PABIR2: variants seen among roughly 807,000 people sequenced by gnomAD.
PABIR2 encodes the protein PABIR family member 2, also known as family with sequence similarity 122B.
PABIR2 carries 7 observed loss-of-function variants against 22.8 expected under a neutral mutation model. The ratio of observed to expected loss-of-function variants is 0.31; its 90% CI spans 0.17 to 0.58. The LOEUF is 0.58. PABIR2 is among the 20% of genes least tolerant of loss of function. PABIR2 has a pLI of 0.89. For synonymous variants in PABIR2, 67 were observed against 73.8 expected (o/e 0.91, Z 0.47); for missense variants, 155 against 205.1 (o/e 0.76, Z 1.49).
Position 134,785,918 on chromosome X carries a change from C to G in PABIR2, c.530G>C (p.Arg177Thr). The G allele has an allele frequency of 8.3e-7, 1 of 1,211,482 alleles. No homozygotes were observed. The highest frequency in any genetic ancestry group is 1.1e-6 in the Non-Finnish European group (1 of 895,247). ...RRSQSPVKCI[R>T]PSVLGPLKRK... ...TTTAAGAGGACCAAGAACACTGGGT[C>G]TAATGCACTTGACTGGACTCTGACT... Residue 177 changes from arginine to threonine, a missense_variant, in exon 8 of 10, where the codon AGA (arginine) becomes ACA (threonine). Coordinates refer to ENST00000343004, the MANE Select transcript of PABIR2 (RefSeq NM_001387468.1).
intron 2 of PABIR2, among the ~76,000 whole-genome samples, chrX:134,793,056 A>G (rs1343478305): frequency 8.9e-6 from 1 of 111,867 alleles, no homozygotes; most frequent in Non-Finnish European, 1.9e-5. Flanking sequence ...ATCTCTTCTA[A>G]TTTGCTGCTT....
At chrX:134,785,674 C>T (rs1359041638) in intron 8 of PABIR2, among the ~76,000 whole-genome samples, 1 of 111,393 alleles carries the variant, frequency 9.0e-6, no homozygotes, top group African/African-American at 3.3e-5. Flanking sequence ...ACTCCTGACC[C>T]GAGGCGATCC....
chrX:134,782,360 T>C (rs1043894502), intron 8 of PABIR2, among the ~76,000 whole-genome samples: 2 of 112,384 alleles, frequency 1.8e-5, no homozygotes, highest in Non-Finnish European at 3.8e-5. Flanking sequence ...TGTAGTCTGA[T>C]AAGTAGTGTA....
At chrX:134,787,609 T>TC in intron 6 of PABIR2, 76 bp from the exon 7 acceptor site, 2 of 676,657 alleles carry the variant, frequency 3.0e-6, no homozygotes, top group Non-Finnish European at 4.2e-6. Flanking sequence ...CAGTTTTCTT[T>TC]CTTTTTTTTT....
intron 8 of PABIR2, among the ~76,000 whole-genome samples, chrX:134,783,387 C>T (rs1005858415): frequency 8.9e-6 from 1 of 112,153 alleles, no homozygotes; most frequent in Non-Finnish European, 1.9e-5. Context: ...TGTTTATTGG[C>T]CCTGAAGGTG....
chrX:134,792,827 T>C (rs2079587173), intron 2 of PABIR2, among the ~76,000 whole-genome samples: 1 of 112,272 alleles, frequency 8.9e-6, no homozygotes, highest in Non-Finnish European at 1.9e-5. Context: ...TATGCAAGTG[T>C]AGGTATTACT....
chrX:134,792,543 A>G (rs969667130), intron 2 of PABIR2, among the ~76,000 whole-genome samples: 1 of 112,118 alleles, frequency 8.9e-6, no homozygotes, highest in African/African-American at 3.2e-5. Flanking sequence ...CCCTGTAAGT[A>G]TTTTCAGCCA....
chrX:134,776,666 A>G (rs1280367480), intron 9 of PABIR2, among the ~76,000 whole-genome samples: 1 of 112,432 alleles, frequency 8.9e-6, no homozygotes. Flanking sequence ...CTAACTGGAC[A>G]CAAACTCCAA....
intron 9 of PABIR2, among the ~76,000 whole-genome samples, chrX:134,775,678 G>GC (rs1331252887): frequency 1.8e-5 from 2 of 110,897 alleles, no homozygotes; most frequent in African/African-American, 6.6e-5. Flanking sequence ...ACCCCATCTG[G>GC]CTGAGCCACT....
At chrX:134,785,286 C>T (rs954835668) in intron 8 of PABIR2, among the ~76,000 whole-genome samples, 16 of 111,613 alleles carry the variant, frequency 1.4e-4, no homozygotes, top group African/African-American at 5.2e-4. Flanking sequence ...GTTTTTAATT[C>T]AAGCTTGGCT....
intron 1 of PABIR2, 129 bp downstream of exon 1, chrX:134,795,979 A>C: frequency 1.8e-6 from 1 of 553,016 alleles, no homozygotes; most frequent in Admixed American, 3.3e-5. Flanking sequence ...TGTCAAGCAA[A>C]CAAGTCGCCA....
intron 2 of PABIR2, among the ~76,000 whole-genome samples, chrX:134,792,174 G>A (rs182001772): frequency 1.1e-4 from 12 of 112,146 alleles, no homozygotes; most frequent in African/African-American, 3.9e-4. Context: ...GGAGATATAA[G>A]GATTAAACTG....
At position 134,771,475 on chromosome X, in the gene PABIR2, C is replaced by T. The variant is rs190112360; in HGVS notation, c.*664G>A. ...GACTAATCCAAGCATCCTGTAAGTC[C>T]GTTTACATTCTCAGCACTAAAATCA... On this transcript the variant is annotated 3_prime_UTR_variant, in exon 10 of 10. Coordinates refer to ENST00000343004, the MANE Select transcript of PABIR2 (RefSeq NM_001387468.1). The T allele has an allele frequency of 2.3e-5, 24 of 1,046,395 alleles. No homozygotes were observed. Among genetic ancestry groups the T allele is most frequent in the East Asian group, 2.2e-4 (6 of 27,419 alleles). The allele number at this position is 1,046,395 out of a possible 1,213,427, so 86.2% of individuals were successfully genotyped here. A position where few individuals can be genotyped will look rare whatever the true frequency, so the allele number is the denominator to read the frequency against.
At chrX:134,777,693 G>A (rs1186452541) in intron 9 of PABIR2, among the ~76,000 whole-genome samples, 12 of 109,264 alleles carry the variant, frequency 1.1e-4, no homozygotes, top group African/African-American at 6.6e-5. Context: ...AAAATTAGCC[G>A]GGCGTGGTGG....
chrX:134,791,402 A>G (rs1372331963), intron 2 of PABIR2, among the ~76,000 whole-genome samples: 1 of 110,287 alleles, frequency 9.1e-6, no homozygotes, highest in African/African-American at 3.3e-5. Flanking sequence ...AAATGAGGAG[A>G]CAAGGAATTA....
At chrX:134,785,758 AC>A (rs2079296994) in intron 8 of PABIR2, 127 bp downstream of exon 8, 1 of 657,031 alleles carries the variant, frequency 1.5e-6, no homozygotes, top group African/African-American at 2.2e-5. Context: ...CAAGTTTTTA[AC>A]ACATCTTTTG....
At position 134,789,536 on chromosome X, in the gene PABIR2, A is replaced by G. The variant is rs750844293; in HGVS notation, c.234+44T>C. 1,025 of 1,101,559 alleles carry G rather than the reference A, an allele frequency of 9.3e-4. 17 individuals carry two copies. The highest frequency in any genetic ancestry group is 2.0e-4 in the Non-Finnish European group (165 of 828,873). 90.8% of individuals were successfully genotyped at this position (1,101,559 alleles called of 1,213,427 possible). On this transcript the variant is annotated intron_variant, in intron 3 of 9. Coordinates refer to ENST00000343004, the MANE Select transcript of PABIR2 (RefSeq NM_001387468.1). Reference sequence around the variant, plus strand: ...ATCTACGTCTTTAAAATAAAAATGTAAAATCCAAAAAATTTCCAATCTGAG... The same window carrying G: ...ATCTACGTCTTTAAAATAAAAATGTGAAATCCAAAAAATTTCCAATCTGAG...
At chrX:134,790,763 G>A (rs979127354) in intron 2 of PABIR2, among the ~76,000 whole-genome samples, 7 of 111,993 alleles carry the variant, frequency 6.3e-5, no homozygotes, top group African/African-American at 2.3e-4. Flanking sequence ...TAGTAGAGAC[G>A]GGGTTTCATC....
At position 134,789,596 on chromosome X, in the gene PABIR2, A is replaced by G; in HGVS notation, c.218T>C (p.Leu73Pro). Reference protein sequence around the residue: ...SSPNRIPSSRLHQIKREEGLD... With the variant: ...SSPNRIPSSRPHQIKREEGLD... ...AAAATTTACCCTTTTGATCTGATGCAGTCTGCTACTAGGAATACGATTAGG... is the reference window on the plus strand; with the variant it reads ...AAAATTTACCCTTTTGATCTGATGCGGTCTGCTACTAGGAATACGATTAGG... The change falls in exon 3 of 10, where the codon CTG becomes CCG. Residue 73 changes from leucine to proline, a missense_variant. Leu to Pro is a moderately conservative substitution (Grantham distance 98, BLOSUM62 -3). Transcript: ENST00000343004. 3 of 1,155,780 alleles carry G rather than the reference A, an allele frequency of 2.6e-6. No homozygotes were observed. The South Asian group carries it at 5.7e-5, about 22-fold the overall frequency.
Sources: allele counts gnomAD v4.1 joint callset (sites outside exome capture counted in the v4.1 genomes callset), GRCh38; gene constraint gnomAD v4.1.1; transcripts MANE v1.5; gene names NCBI Gene and HGNC (gene_info 2026-07-23, HGNC 2026-07-21).